The following MYO3B variants were observed in gnomAD, a reference collection of about 807,000 sequenced individuals.
The protein encoded by MYO3B is myosin IIIB, also known as myosin-IIIb.
In MYO3B, 156 loss-of-function variants were observed where a neutral mutation model predicts 174.6. The ratio of observed to expected loss-of-function variants is 0.89; its 90% confidence interval spans 0.78 to 1.02. The LOEUF (loss-of-function observed/expected upper bound fraction) is 1.02. Among genes scored for constraint, MYO3B ranks in the 50% least tolerant of loss-of-function variants. The probability of loss-of-function intolerance (pLI) is 0.00; values close to 1 mark genes in which losing one functional copy is unlikely to be tolerated. For missense variants in MYO3B, 1,632 were observed against 1,639.4 expected (o/e 1.00, Z 0.08); for synonymous variants, 563 against 569.1 (o/e 0.99, Z 0.15).
At chr2:170,542,732 G>A (rs1690198277) in intron 30 of MYO3B, among the ~76,000 whole-genome samples, 174 bp from the exon 31 acceptor site, 1 of 152,178 alleles carries the variant, frequency 6.6e-6, no homozygotes, top group Non-Finnish European at 1.5e-5. Flanking sequence ...GCAACACCTA[G>A]TAGGACTCAT....
intron 22 of MYO3B, among the ~76,000 whole-genome samples, chr2:170,426,867 A>C (rs1217804791): frequency 1.3e-5 from 2 of 151,970 alleles, no homozygotes; most frequent in Non-Finnish European, 2.9e-5. Context: ...AAAATACAAA[A>C]AATTAGCCAG....
chr2:170,272,986 T>A (rs532978267), intron 7 of MYO3B, among the ~76,000 whole-genome samples: 1 of 152,010 alleles, frequency 6.6e-6, no homozygotes, highest in South Asian at 2.1e-4. Flanking sequence ...TGGGAAGGAG[T>A]ATTGGGTCAA....
At chr2:170,472,318 T>C (rs978518038) in intron 25 of MYO3B, among the ~76,000 whole-genome samples, 6 of 152,166 alleles carry the variant, frequency 3.9e-5, no homozygotes, top group Non-Finnish European at 8.8e-5. Flanking sequence ...CCTAGTCTCT[T>C]CTCTCATTTT....
At chr2:170,614,995 T>TCACAGTTA (rs1204815578) in intron 32 of MYO3B, among the ~76,000 whole-genome samples, 2 of 152,190 alleles carry the variant, frequency 1.3e-5, no homozygotes, top group African/African-American at 4.8e-5. Flanking sequence ...TTATTTAATG[T>TCACAGTTA]CACAGTTACT....
In MYO3B at chr2:170,421,878, C is replaced by A. The variant is rs563820303; in HGVS notation, c.2650+14034C>A. 3.3e-5 allele frequency among the ~76,000 whole-genome samples: 5 copies of A among 152,296 alleles called. No individual in the cohort carries two copies. The South Asian group carries it at 1.0e-3, about 32-fold the overall frequency. On this transcript the variant is annotated intron_variant, in intron 22 of 34. Coordinates refer to ENST00000408978, the MANE Select transcript of MYO3B (RefSeq NM_138995.5). ...TTTTTAGGTTTTAATTTGTACTCTG[C>A]AAGTGCTGTCTTGTTTTTTGTTTAA... is the stretch of plus-strand genomic sequence containing the variant.
chr2:170,515,105 C>A, intron 29 of MYO3B, 83 bp downstream of exon 29: 1 of 1,145,608 alleles, frequency 8.7e-7, no homozygotes, highest in East Asian at 2.5e-5. Flanking sequence ...GTGATCACCT[C>A]TTATATAAGA....
chr2:170,611,997 G>A (rs1307177644), intron 32 of MYO3B, among the ~76,000 whole-genome samples: 1 of 152,152 alleles, frequency 6.6e-6, no homozygotes, highest in Non-Finnish European at 1.5e-5. Flanking sequence ...TGGATCTCCA[G>A]GCCAGTTCTC....
intron 23 of MYO3B, among the ~76,000 whole-genome samples, chr2:170,448,326 T>C (rs1683377717): frequency 6.6e-6 from 1 of 152,234 alleles, no homozygotes. Flanking sequence ...ACTGTAATAA[T>C]TTTCTCAGTT....
At chr2:170,378,584 C>A (rs1197064108) in intron 9 of MYO3B, among the ~76,000 whole-genome samples, 2 of 152,192 alleles carry the variant, frequency 1.3e-5, no homozygotes, top group African/African-American at 4.8e-5. Context: ...CAGACAACAT[C>A]TGCATGATTC....
intron 1 of MYO3B, among the ~76,000 whole-genome samples, chr2:170,178,779 A>G (rs2092363416): frequency 6.6e-6 from 1 of 152,130 alleles, no homozygotes; most frequent in Non-Finnish European, 1.5e-5. Context: ...GCTAAGATAA[A>G]TTTCCTCATG....
chr2:170,217,284 G>A, intron 5 of MYO3B, 35 bp from the exon 6 acceptor site: 2 of 1,584,584 alleles, frequency 1.3e-6, no homozygotes, highest in Non-Finnish European at 1.7e-6. Context: ...ATCATACTTT[G>A]CTCACTTTTG....
chr2:170,285,395 G>A lies in MYO3B; in HGVS notation c.749+49259G>A, dbSNP rs112740733. 4.6e-3 allele frequency among the ~76,000 whole-genome samples: 694 copies of A among 150,232 alleles called. 9 individuals carry two copies. The highest frequency in any genetic ancestry group is 0.016 in the African/African-American group (655 of 40,856). ...ACCTTTTTTTTTTTTGGGAGACAGA[G>A]TCTTGCTCTGTTGCCCAGGCTGGAG... On this transcript the variant is annotated intron_variant, in intron 7 of 34. Coordinates refer to ENST00000408978, the MANE Select transcript of MYO3B (RefSeq NM_138995.5).
chr2:170,338,984 C>G (rs1386404021), intron 8 of MYO3B, among the ~76,000 whole-genome samples: 1 of 152,146 alleles, frequency 6.6e-6, no homozygotes, highest in Non-Finnish European at 1.5e-5. Flanking sequence ...GCAGTTTGAC[C>G]AAATGCTGTG....
At chr2:170,207,705 C>G (rs149294079) in intron 3 of MYO3B, among the ~76,000 whole-genome samples, 256 of 150,452 alleles carry the variant, frequency 1.7e-3, no homozygotes, top group Middle Eastern at 0.014. Flanking sequence ...AAGGATTAGT[C>G]TAAAGTGCAT....
intron 7 of MYO3B, among the ~76,000 whole-genome samples, chr2:170,269,816 A>G (rs1467779008): frequency 6.6e-6 from 1 of 152,236 alleles, no homozygotes; most frequent in African/African-American, 2.4e-5. Context: ...AGAGGTCCTC[A>G]AACTTTAGTG....
intron 29 of MYO3B, among the ~76,000 whole-genome samples, chr2:170,515,678 T>G (rs1281908110): frequency 6.6e-6 from 1 of 152,056 alleles, no homozygotes. Context: ...TGAAGTATGG[T>G]CTTTAATGCC....
In MYO3B at chr2:170,641,791, C is replaced by G. The variant is rs565914965; in HGVS notation, c.3734-9837C>G. Among the ~76,000 whole-genome samples, 348 of 123,142 alleles carry G rather than the reference C, an allele frequency of 2.8e-3. 1 individual carries two copies. The highest frequency in any genetic ancestry group is 0.017 in the Middle Eastern group (2 of 116). 80.8% of individuals were successfully genotyped at this position (123,142 alleles called of 152,430 possible). ...TTTATTACCTTTTCAAAAAGTAACT[C>G]TAAAAGAAACATACTATTTTAAAAG... On this transcript the variant is annotated intron_variant, in intron 32 of 34. Coordinates refer to ENST00000408978, the MANE Select transcript of MYO3B (RefSeq NM_138995.5).
At chr2:170,225,726 AACCAG>A (rs1215124745) in intron 6 of MYO3B, among the ~76,000 whole-genome samples, 1 of 152,204 alleles carries the variant, frequency 6.6e-6, no homozygotes, top group African/African-American at 2.4e-5. Context: ...CTACCCATAT[AACCAG>A]TAACCTCAGG....
At chr2:170,474,876 C>T (rs1685226536) in intron 25 of MYO3B, among the ~76,000 whole-genome samples, 1 of 149,636 alleles carries the variant, frequency 6.7e-6, no homozygotes, top group Non-Finnish European at 1.5e-5. Context: ...CAGATATCTA[C>T]CTATAGGAGC....
Sources: gnomAD v4.1 joint callset for allele counts (sites outside exome capture counted in the v4.1 genomes callset) on GRCh38, gnomAD v4.1.1 for gene constraint, MANE v1.5 for transcripts, NCBI Gene and HGNC (gene_info 2026-07-23, HGNC 2026-07-21) for gene names.